The following TRIM37 variants were observed in gnomAD, a reference collection of about 807,000 sequenced individuals.
The protein encoded by TRIM37 is tripartite motif containing 37.
In TRIM37, 80 loss-of-function variants were observed where a neutral mutation model predicts 129.8. The observed-to-expected ratio is 0.62, with a 90% CI of 0.51 to 0.74. The LOEUF is 0.74. Among genes scored for constraint, TRIM37 ranks in the 30% least tolerant of loss-of-function variants. The pLI is 0.00. For missense variants in TRIM37, 1,054 were observed against 1,176.5 expected (o/e 0.90, Z 1.52); for synonymous variants, 389 against 387.1 (o/e 1.00, Z -0.06).
chr17:58,986,344 G>A (rs1035342020), intron 24 of TRIM37, among the ~76,000 whole-genome samples: 9 of 151,606 alleles, frequency 5.9e-5, no homozygotes, highest in Admixed American at 3.3e-4. Flanking sequence ...GATTACAGGC[G>A]CCCGCCACCA....
the TRIM37 span, chr17:58,972,681 A>G: frequency 1.2e-3 from 818 of 683,756 alleles, 1 homozygote; most frequent in Non-Finnish European, 1.7e-3. Context: ...AATTATTGCT[A>G]TCACATCAGC....
At chr17:58,997,312 C>CT (rs1366583546), downstream of TRIM37, among the ~76,000 whole-genome samples, 1 of 151,590 alleles carries the variant, frequency 6.6e-6, no homozygotes, top group Admixed American at 6.6e-5. Flanking sequence ...AAATTAAAAG[C>CT]TAAAAAAAAA....
the TRIM37 span, among the ~76,000 whole-genome samples, chr17:58,973,643 T>TA: frequency 6.7e-6 from 1 of 149,314 alleles, no homozygotes; most frequent in African/African-American, 2.5e-5. Context: ...CTTCATCTCT[T>TA]AAAAAAACAA....
chr17:59,073,183 A>G (rs1165425537), intron 8 of TRIM37: 1 of 152,218 alleles, frequency 6.6e-6, no homozygotes, highest in African/African-American at 2.4e-5. Flanking sequence ...TGTTTCCACA[A>G]TTACTATGTG....
intron 23 of TRIM37, among the ~76,000 whole-genome samples, chr17:58,999,918 G>A (rs1190737954): frequency 6.6e-6 from 1 of 152,180 alleles, no homozygotes; most frequent in East Asian, 1.9e-4. Flanking sequence ...AGAAGCAGAG[G>A]AAGTTACTAA....
chr17:58,977,914 TG>T (rs1281212827), downstream of TRIM37, among the ~76,000 whole-genome samples: 1 of 152,158 alleles, frequency 6.6e-6, no homozygotes, highest in African/African-American at 2.4e-5. Flanking sequence ...GGCTAATTTT[TG>T]TATTTTTAGT....
At chr17:59,069,607 C>A (rs1479107521) in intron 9 of TRIM37, among the ~76,000 whole-genome samples, 1 of 152,120 alleles carries the variant, frequency 6.6e-6, no homozygotes, top group African/African-American at 2.4e-5. Context: ...GGCTTCACCC[C>A]TCATCATAGA....
intron 12 of TRIM37, among the ~76,000 whole-genome samples, chr17:59,058,042 A>G (rs1300867514): frequency 1.3e-5 from 2 of 152,174 alleles, no homozygotes; most frequent in Non-Finnish European, 2.9e-5. Context: ...TGTTATTTCT[A>G]TTATCCTTTG....
chr17:59,003,258 T>C (rs1344241987), intron 22 of TRIM37, among the ~76,000 whole-genome samples: 1 of 152,210 alleles, frequency 6.6e-6, no homozygotes, highest in African/African-American at 2.4e-5. Context: ...ATTTTGTCTG[T>C]TTCTACTGGG....
chr17:59,042,103 G>A (rs546515982), intron 16 of TRIM37, among the ~76,000 whole-genome samples: 18 of 152,102 alleles, frequency 1.2e-4, no homozygotes, highest in East Asian at 1.9e-4. Context: ...TCGGCCGGGC[G>A]CGGTGGCTCA....
chr17:59,031,751 G>T, intron 18 of TRIM37, 145 bp downstream of exon 18: 1 of 828,076 alleles, frequency 1.2e-6, no homozygotes, highest in Non-Finnish European at 1.9e-6. Context: ...TAATTTGGTT[G>T]ACATAAATGT....
chr17:59,021,273 T>TA (rs753346820), intron 19 of TRIM37, among the ~76,000 whole-genome samples: 1 of 152,134 alleles, frequency 6.6e-6, no homozygotes, highest in Non-Finnish European at 1.5e-5. Flanking sequence ...CGCATGCCTG[T>TA]AGTCGCAGCT....
intron 16 of TRIM37, among the ~76,000 whole-genome samples, chr17:59,043,716 T>C (rs1341930681): frequency 6.6e-6 from 1 of 152,184 alleles, no homozygotes; most frequent in East Asian, 1.9e-4. Context: ...AGATCATCCC[T>C]GCCCCAGCTT....
chr17:58,989,935 C>G (rs2032197382), intron 24 of TRIM37, among the ~76,000 whole-genome samples: 1 of 151,806 alleles, frequency 6.6e-6, no homozygotes, highest in Non-Finnish European at 1.5e-5. Context: ...CCTGTAACCC[C>G]AGCACTTTGG....
chr17:59,001,512 T>C, intron 23 of TRIM37, 86 bp downstream of exon 23: 2 of 1,545,108 alleles, frequency 1.3e-6, no homozygotes, highest in South Asian at 1.2e-5. Context: ...GCGGAAAAAG[T>C]AGAAGTAGCA....
At chr17:59,098,735 AC>A (rs2045160608) in intron 2 of TRIM37, among the ~76,000 whole-genome samples, 1 of 152,054 alleles carries the variant, frequency 6.6e-6, no homozygotes, top group South Asian at 2.1e-4. Flanking sequence ...AAAAAAATTA[AC>A]AGAATACCAT....
intron 22 of TRIM37, among the ~76,000 whole-genome samples, chr17:59,010,827 G>C (rs1410855959): frequency 2.6e-5 from 4 of 152,070 alleles, no homozygotes; most frequent in Non-Finnish European, 5.9e-5. Context: ...AGCATATTCT[G>C]TAGTAATTTA....
At chr17:59,104,245 AATATATACT>A in intron 2 of TRIM37, 39 bp downstream of exon 2, 1 of 1,527,012 alleles carries the variant, frequency 6.5e-7, no homozygotes, top group Non-Finnish European at 9.0e-7. Context: ...TAATCCTTAC[AATATATACT>A]ATATATACTA....
At position 58,999,148 on chromosome 17, in the gene TRIM37, T is replaced by A; in HGVS notation, c.*229A>T. ...CTAAATTAATAGAGAACTACATTGT[T>A]ATTTCCTTACATTACAAAGAACTCT... On this transcript the variant is annotated 3_prime_UTR_variant, in exon 24 of 24. Coordinates refer to ENST00000262294, the MANE Select transcript of TRIM37 (RefSeq NM_015294.6). 2 of 1,362,694 alleles carry A rather than the reference T, an allele frequency of 1.5e-6. No individual in the cohort carries two copies. Among genetic ancestry groups the A allele is most frequent in the African/African-American group, 1.5e-5 (1 of 67,904 alleles). 84.4% of individuals were successfully genotyped at this position (1,362,694 alleles called of 1,614,324 possible).
Sources: allele counts gnomAD v4.1 joint callset (sites outside exome capture counted in the v4.1 genomes callset), GRCh38; gene constraint gnomAD v4.1.1; transcripts MANE v1.5; gene names NCBI Gene and HGNC (gene_info 2026-07-23, HGNC 2026-07-21).